SEMA5A: variants seen among roughly 807,000 people sequenced by gnomAD.
SEMA5A encodes semaphorin 5A.
In SEMA5A, 55 loss-of-function variants were observed where a neutral mutation model predicts 135.5. The ratio of observed to expected loss-of-function variants is 0.41; its 90% CI spans 0.33 to 0.51. The LOEUF is 0.51. Ranked by LOEUF, SEMA5A falls within the 20% of genes least tolerant of loss-of-function variation. The pLI, the probability that SEMA5A is intolerant of heterozygous loss-of-function variation, is 0.37. For missense variants in SEMA5A, 1,290 were observed against 1,419.9 expected, an observed-to-expected ratio of 0.91 and a Z score of 1.47; for synonymous variants, 580 against 546.5, an observed-to-expected ratio of 1.06 and a Z score of -0.85.
At chr5:9,520,316 C>A (rs1445695620) in intron 1 of SEMA5A, among the ~76,000 whole-genome samples, 1 of 152,204 alleles carries the variant, frequency 6.6e-6, no homozygotes, top group African/African-American at 2.4e-5. Context: ...GGAGGTAAAC[C>A]ACCAAATACA....
intron 8 of SEMA5A, among the ~76,000 whole-genome samples, chr5:9,221,057 C>T (rs1746922743): frequency 6.6e-6 from 1 of 152,248 alleles, no homozygotes; most frequent in South Asian, 2.1e-4. Context: ...AGCAGGAAGA[C>T]CTACGCCTTC....
rs541532244 is a variant in SEMA5A at position 9,449,411 on chromosome 5, C to T, written c.-174-11559G>A. ...GGGGGGGAACAACATACCTTGGGAC[C>T]TGTTGGGAGCATGGGGGAGGGAGAG... On this transcript the variant is annotated intron_variant, in intron 1 of 22. Transcript: ENST00000382496. 1.4e-4 allele frequency among the ~76,000 whole-genome samples: 22 copies of T among 152,020 alleles called. No homozygotes were observed. The South Asian group carries it at 4.0e-3, about 27-fold the overall frequency.
chr5:9,281,383 C>T (rs1750533041), intron 5 of SEMA5A, among the ~76,000 whole-genome samples: 1 of 152,180 alleles, frequency 6.6e-6, no homozygotes. Flanking sequence ...TTTGCCCCCC[C>T]AGGGGACATT....
At chr5:9,529,353 A>C (rs1389243413) in intron 1 of SEMA5A, among the ~76,000 whole-genome samples, 1 of 152,160 alleles carries the variant, frequency 6.6e-6, no homozygotes, top group Admixed American at 6.5e-5. Flanking sequence ...TCAGGATCCT[A>C]CTTGGCCAGC....
chr5:9,160,893 C>T lies in SEMA5A; in HGVS notation c.1274-6198G>A, dbSNP rs80148199. Among the ~76,000 whole-genome samples, 1,381 of 152,240 alleles carry T rather than the reference C, an allele frequency of 9.1e-3. 14 individuals carry two copies. Among genetic ancestry groups the T allele is most frequent in the Non-Finnish European group, 0.013 (883 of 68,026 alleles). On this transcript the variant is annotated intron_variant, in intron 11 of 22. Transcript: ENST00000382496. ...GTAGTAGATTCCATTGGAAACATGA[C>T]TACTGGAGAAGAAATGTTTACACAA...
At chr5:9,352,921 A>G (rs985971458) in intron 3 of SEMA5A, among the ~76,000 whole-genome samples, 1 of 152,066 alleles carries the variant, frequency 6.6e-6, no homozygotes, top group Admixed American at 6.6e-5. Flanking sequence ...CTTTTACAGA[A>G]TAAAACTATA....
chr5:9,310,551 T>A (rs1303906580), intron 5 of SEMA5A, among the ~76,000 whole-genome samples: 1 of 152,032 alleles, frequency 6.6e-6, no homozygotes, highest in Non-Finnish European at 1.5e-5. Flanking sequence ...AAAAAATTAA[T>A]CATTGTGAAT....
At chr5:9,281,127 T>C (rs944842595) in intron 5 of SEMA5A, among the ~76,000 whole-genome samples, 1 of 152,220 alleles carries the variant, frequency 6.6e-6, no homozygotes, top group Non-Finnish European at 1.5e-5. Flanking sequence ...TAATATTTAA[T>C]GATCCTGGTA....
chr5:9,532,143 T>TC (rs1205867959), intron 1 of SEMA5A, among the ~76,000 whole-genome samples: 1 of 152,184 alleles, frequency 6.6e-6, no homozygotes, highest in African/African-American at 2.4e-5. Context: ...ATCTGCCACA[T>TC]CAGTTTAGGA....
chr5:9,523,965 G>T (rs1383375255), intron 1 of SEMA5A, among the ~76,000 whole-genome samples: 1 of 152,162 alleles, frequency 6.6e-6, no homozygotes, highest in African/African-American at 2.4e-5. Context: ...TATGCTTTAG[G>T]TTCTGTGTCC....
At chr5:9,495,342 G>A (rs1735247260) in intron 1 of SEMA5A, among the ~76,000 whole-genome samples, 1 of 152,156 alleles carries the variant, frequency 6.6e-6, no homozygotes, top group African/African-American at 2.4e-5. Flanking sequence ...CCACTCAAGG[G>A]AAAGCAAGCA....
At chr5:9,513,184 T>TA (rs34361872) in intron 1 of SEMA5A, among the ~76,000 whole-genome samples, 4 of 151,536 alleles carry the variant, frequency 2.6e-5, no homozygotes, top group Non-Finnish European at 4.4e-5. Context: ...TATGTTTTTT[T>TA]AAAAAGAATC....
chr5:9,198,166 T>G (rs1745520403), intron 9 of SEMA5A, among the ~76,000 whole-genome samples: 1 of 152,196 alleles, frequency 6.6e-6, no homozygotes, highest in African/African-American at 2.4e-5. Context: ...CCACAAGCAT[T>G]TCTCATCAAT....
At chr5:9,365,584 C>T (rs146863189) in intron 3 of SEMA5A, among the ~76,000 whole-genome samples, 3 of 152,240 alleles carry the variant, frequency 2.0e-5, no homozygotes, top group African/African-American at 7.2e-5. Context: ...AGATGAGTTC[C>T]TCACTCACCT....
chr5:9,075,899 T>G (rs1211847046), intron 16 of SEMA5A, among the ~76,000 whole-genome samples: 1 of 152,156 alleles, frequency 6.6e-6, no homozygotes. Context: ...TGGTGGCTTC[T>G]TTGCTATTTA....
At chr5:9,389,506 A>C (rs1756054128) in intron 2 of SEMA5A, among the ~76,000 whole-genome samples, 1 of 152,074 alleles carries the variant, frequency 6.6e-6, no homozygotes, top group Non-Finnish European at 1.5e-5. Flanking sequence ...AGCTAACTAC[A>C]CCATCACTCA....
At chr5:9,058,376 C>T (rs1449363846) in intron 18 of SEMA5A, among the ~76,000 whole-genome samples, 1 of 152,042 alleles carries the variant, frequency 6.6e-6, no homozygotes, top group African/African-American at 2.4e-5. Context: ...ATAACTCCTC[C>T]CATGTTGCTA....
intron 2 of SEMA5A, among the ~76,000 whole-genome samples, chr5:9,398,201 C>T (rs764962057): frequency 7.2e-5 from 11 of 152,090 alleles, no homozygotes; most frequent in African/African-American, 1.7e-4. Context: ...GAAAAACACA[C>T]GTCAAGGAAA....
intron 12 of SEMA5A, among the ~76,000 whole-genome samples, chr5:9,151,112 C>T (rs1742611830): frequency 6.6e-6 from 1 of 152,188 alleles, no homozygotes; most frequent in Admixed American, 6.5e-5. Flanking sequence ...TGCTACTTTA[C>T]TTTCAGGATT....
Sources: allele counts gnomAD v4.1 joint callset (sites outside exome capture counted in the v4.1 genomes callset), GRCh38; gene constraint gnomAD v4.1.1; transcripts MANE v1.5; gene names NCBI Gene and HGNC (gene_info 2026-07-23, HGNC 2026-07-21).